The following ABCC9 variants were observed in gnomAD, a reference collection of about 807,000 sequenced individuals.
ABCC9 encodes ATP-binding cassette sub-family C member 9.
A neutral mutation model predicts 188.3 loss-of-function variants in ABCC9; 95 were observed. The ratio of observed to expected loss-of-function variants is 0.50; its 90% CI spans 0.43 to 0.60. ABCC9 has a LOEUF of 0.60. ABCC9 is among the 20% of genes least tolerant of loss of function. ABCC9 has a pLI of 0.00. For synonymous variants in ABCC9, 659 were observed against 652.7 expected (o/e 1.01, Z -0.15); for missense variants, 1,102 against 1,876.3 (o/e 0.59, Z 7.62).
intron 18 of ABCC9, among the ~76,000 whole-genome samples, chr12:21,868,749 T>C (rs1945912067): frequency 6.6e-6 from 1 of 152,198 alleles, no homozygotes. Context: ...TTTTGGTTTG[T>C]TTTGAGCTTT....
intron 38 of ABCC9, among the ~76,000 whole-genome samples, chr12:21,806,834 T>C (rs1941881962): frequency 6.6e-6 from 1 of 152,180 alleles, no homozygotes; most frequent in Non-Finnish European, 1.5e-5. Context: ...CATTTGACAA[T>C]TTCAAATAAT....
intron 30 of ABCC9, among the ~76,000 whole-genome samples, chr12:21,833,997 G>A (rs1943930210): frequency 6.6e-6 from 1 of 152,108 alleles, no homozygotes; most frequent in Admixed American, 6.5e-5. Context: ...TCAAAAAGTA[G>A]TTTTTCCTTG....
Position 21,845,765 on chromosome 12 carries a change from T to C in ABCC9, c.2934A>G (p.Pro978=). 6.2e-7 allele frequency: 1 copy of C among 1,613,916 alleles called. No homozygotes were observed. Among genetic ancestry groups the C allele is most frequent in the South Asian group, 1.1e-5 (1 of 91,082 alleles). The change falls in exon 26 of 40, where the codon CCA becomes CCG. Residue 978 remains proline, a synonymous_variant. Coordinates refer to ENST00000261200, the MANE Select transcript of ABCC9 (RefSeq NM_020297.4). ...STVMRLRTKM[P]WKTCWRYLTS... ...TCAGGTAGCGCCAGCAGGTTTTCCA[T>C]GGCATTTTAGTCCTGAGCCTCATTA... is the stretch of plus-strand genomic sequence containing the variant.
chr12:21,897,913 C>T (rs1947503528), intron 12 of ABCC9, among the ~76,000 whole-genome samples: 1 of 152,122 alleles, frequency 6.6e-6, no homozygotes, highest in Non-Finnish European at 1.5e-5. Context: ...GAATTCACAT[C>T]TCACCTCAGC....
intron 36 of ABCC9, among the ~76,000 whole-genome samples, chr12:21,811,845 G>A (rs1476172463): frequency 6.6e-6 from 1 of 152,096 alleles, no homozygotes; most frequent in African/African-American, 2.4e-5. Context: ...CAAACTGAAA[G>A]GGATGAAGAT....
At chr12:21,805,374 A>G in intron 39 of ABCC9, 1 of 1,534,402 alleles carries the variant, frequency 6.5e-7, no homozygotes, top group East Asian at 2.3e-5. Flanking sequence ...TGACTCATTA[A>G]AAAATAGTTT....
chr12:21,917,892 G>T (rs1948665138), intron 5 of ABCC9, among the ~76,000 whole-genome samples: 1 of 152,112 alleles, frequency 6.6e-6, no homozygotes, highest in African/African-American at 2.4e-5. Context: ...ACACACATAA[G>T]ACAATCCAGC....
chr12:21,921,100 C>T (rs1316378140), intron 5 of ABCC9, among the ~76,000 whole-genome samples: 1 of 152,026 alleles, frequency 6.6e-6, no homozygotes, highest in Non-Finnish European at 1.5e-5. Flanking sequence ...AGTGGGGTTG[C>T]TGAATTGTAT....
chr12:21,940,494 C>T (rs572419993), intron 2 of ABCC9, among the ~76,000 whole-genome samples: 1 of 152,184 alleles, frequency 6.6e-6, no homozygotes, highest in Non-Finnish European at 1.5e-5. Context: ...ATGGCTATAA[C>T]TATGACAGAT....
chr12:21,938,061 C>A (rs1426829744), intron 2 of ABCC9: 1 of 132,994 alleles, frequency 7.5e-6, no homozygotes, highest in Non-Finnish European at 1.6e-5. Flanking sequence ...TAGCAATGGT[C>A]ACAAACAATA....
At chr12:21,887,053 C>T (rs7138546) in intron 15 of ABCC9, among the ~76,000 whole-genome samples, 40,464 of 151,922 alleles carry the variant, frequency 0.27, 5,896 homozygotes, top group Admixed American at 0.34. Context: ...CTCAAGAAAG[C>T]GAATTCTGTG....
chr12:21,884,565 T>A (rs1218076041), intron 15 of ABCC9, among the ~76,000 whole-genome samples: 1 of 152,168 alleles, frequency 6.6e-6, no homozygotes, highest in Non-Finnish European at 1.5e-5. Flanking sequence ...CTATGGGAAT[T>A]AGGAATGTAC....
intron 34 of ABCC9, among the ~76,000 whole-genome samples, chr12:21,815,467 T>A (rs1418835242): frequency 2.0e-5 from 3 of 152,156 alleles, no homozygotes; most frequent in African/African-American, 7.2e-5. Context: ...AATGCAAAGA[T>A]TCCCAAGGGG....
intron 12 of ABCC9, among the ~76,000 whole-genome samples, chr12:21,905,165 G>A (rs1043607211): frequency 1.3e-5 from 2 of 152,056 alleles, no homozygotes; most frequent in African/African-American, 2.4e-5. Flanking sequence ...GCAAACTATT[G>A]CAGGGACAAA....
chr12:21,852,630 A>G, intron 22 of ABCC9, 125 bp from the exon 23 acceptor site: 1 of 1,201,314 alleles, frequency 8.3e-7, no homozygotes, highest in African/African-American at 1.5e-5. Flanking sequence ...TTTATTTAAA[A>G]AAAGGATAAA....
intron 37 of ABCC9, 73 bp downstream of exon 37, chr12:21,809,779 C>A: frequency 1.2e-6 from 1 of 869,298 alleles, no homozygotes; most frequent in Non-Finnish European, 1.9e-6. Flanking sequence ...GTGATTATAG[C>A]ATAAAACGTA....
chr12:21,827,588 G>T (rs1420289343), intron 31 of ABCC9, among the ~76,000 whole-genome samples: 2 of 136,934 alleles, frequency 1.5e-5, no homozygotes, highest in South Asian at 2.4e-4. Flanking sequence ...ATCAAAACAA[G>T]GAATTAAAGC....
intron 16 of ABCC9, among the ~76,000 whole-genome samples, chr12:21,878,303 AAAATT>A (rs1432043165): frequency 2.0e-5 from 3 of 152,244 alleles, no homozygotes; most frequent in Non-Finnish European, 2.9e-5. Flanking sequence ...GTATAAATGA[AAAATT>A]AAAAAGAGTG....
intron 22 of ABCC9, among the ~76,000 whole-genome samples, chr12:21,856,589 G>A (rs139723629): frequency 3.9e-5 from 6 of 152,192 alleles, no homozygotes; most frequent in African/African-American, 1.4e-4. Context: ...AATTTATTTA[G>A]AGCAAAATGT....
Sources: gnomAD v4.1 joint callset for allele counts (sites outside exome capture counted in the v4.1 genomes callset) on GRCh38, gnomAD v4.1.1 for gene constraint, MANE v1.5 for transcripts, NCBI Gene and HGNC (gene_info 2026-07-23, HGNC 2026-07-21) for gene names.